The following ACYP2 variants were observed in gnomAD, a reference collection of about 807,000 sequenced individuals.
ACYP2 encodes acylphosphatase-2.
A neutral mutation model predicts 11.2 loss-of-function variants in ACYP2; 12 were observed. That is an observed-to-expected ratio of 1.08 (90% CI 0.69 to 1.74). The LOEUF (loss-of-function observed/expected upper bound fraction) is 1.74, where lower values mean the gene tolerates loss of function less well. Ranked by LOEUF, ACYP2 falls within the 40% of genes most tolerant of loss-of-function variation. The probability of loss-of-function intolerance (pLI) is 0.00; values close to 1 mark genes in which losing one functional copy is unlikely to be tolerated. For synonymous variants in ACYP2, 43 were observed against 32.2 expected, an observed-to-expected ratio of 1.33 and a Z score of -1.13; for missense variants, 134 against 101.9, an observed-to-expected ratio of 1.31 and a Z score of -1.35.
intron 6 of ACYP2, among the ~76,000 whole-genome samples, chr2:54,288,761 T>C (rs1458301618): frequency 6.6e-6 from 1 of 151,988 alleles, no homozygotes; most frequent in East Asian, 1.9e-4. Context: ...TGCTAACTAG[T>C]TTTTTTCTTT....
At chr2:54,144,737 T>G (rs1372394784) in intron 6 of ACYP2, among the ~76,000 whole-genome samples, 1 of 152,102 alleles carries the variant, frequency 6.6e-6, no homozygotes, top group East Asian at 1.9e-4. Flanking sequence ...ATTCCTAATC[T>G]TGTAGAACTT....
At chr2:53,995,069 A>T (rs1237174544) in intron 2 of ACYP2, among the ~76,000 whole-genome samples, 4 of 152,220 alleles carry the variant, frequency 2.6e-5, no homozygotes, top group Non-Finnish European at 5.9e-5. Flanking sequence ...ATTCAAAAGA[A>T]ATTTTAAGAA....
At chr2:54,192,614 A>C (rs1221726922) in intron 6 of ACYP2, among the ~76,000 whole-genome samples, 2 of 152,196 alleles carry the variant, frequency 1.3e-5, no homozygotes, top group African/African-American at 4.8e-5. Context: ...TACCTGTTAT[A>C]TTTAAAAAAA....
chr2:54,186,318 T>C (rs939298664), intron 6 of ACYP2, among the ~76,000 whole-genome samples: 3 of 152,094 alleles, frequency 2.0e-5, no homozygotes, highest in South Asian at 2.1e-4. Flanking sequence ...TATAGAGAAA[T>C]AGCTTCTCTC....
intron 2 of ACYP2, among the ~76,000 whole-genome samples, chr2:54,020,917 C>T (rs1327969316): frequency 6.6e-6 from 1 of 152,168 alleles, no homozygotes; most frequent in African/African-American, 2.4e-5. Context: ...AATAAATTTT[C>T]AGTGCCACAA....
Position 54,291,269 on chromosome 2 carries a change from C to G in ACYP2, c.405-13419C>G, listed in dbSNP as rs114854453. Among the ~76,000 whole-genome samples, 575 of 152,310 alleles carry G rather than the reference C, an allele frequency of 3.8e-3. 5 individuals are homozygous for G. The highest frequency in any genetic ancestry group is 0.013 in the African/African-American group (547 of 41,576). On this transcript the variant is annotated intron_variant, in intron 6 of 6. Transcript: ENST00000607452. ...TCTCTGGTCATGCCTTCTACATGTC[C>G]TCTGTTGCCTTCTTCTGCACCTGAC...
rs368509559 is a variant in ACYP2 at position 54,092,475 on chromosome 2, G to A, written c.277+35115G>A. Among the ~76,000 whole-genome samples, 364 of 152,298 alleles carry A rather than the reference G, an allele frequency of 2.4e-3. 2 individuals are homozygous for A. The highest frequency in any genetic ancestry group is 4.1e-3 in the Non-Finnish European group (280 of 68,036). On this transcript the variant is annotated intron_variant, in intron 4 of 6. Transcript: ENST00000607452. Reference sequence around the variant, plus strand: ...ATCCTATAATCAGCCTTGGAACAGGGTTGGGTGACAAAGGGCTAAGATTTA... The same window carrying A: ...ATCCTATAATCAGCCTTGGAACAGGATTGGGTGACAAAGGGCTAAGATTTA...
chr2:54,222,890 G>C (rs1685858462), intron 6 of ACYP2: 1 of 111,296 alleles, frequency 9.0e-6, no homozygotes, highest in Non-Finnish European at 2.0e-5. Context: ...GTTTTGGTGA[G>C]GACCTCCATG....
intron 6 of ACYP2, among the ~76,000 whole-genome samples, chr2:54,196,037 A>T (rs1296098643): frequency 6.6e-6 from 1 of 151,928 alleles, no homozygotes; most frequent in African/African-American, 2.4e-5. Context: ...ACCTCAGATG[A>T]TCTACCCACC....
chr2:54,252,939 A>G (rs1042032588), intron 6 of ACYP2, among the ~76,000 whole-genome samples: 5 of 152,236 alleles, frequency 3.3e-5, no homozygotes, highest in South Asian at 2.1e-4. Flanking sequence ...TATAATTCCA[A>G]TTTCACAAAA....
chr2:54,119,745 A>G (rs547930599), intron 4 of ACYP2, among the ~76,000 whole-genome samples: 16 of 152,380 alleles, frequency 1.1e-4, no homozygotes, highest in African/African-American at 1.9e-4. Flanking sequence ...CAATATGGAT[A>G]CATTATTATG....
chr2:53,980,133 AG>A (rs1442162075), intron 2 of ACYP2, among the ~76,000 whole-genome samples: 5 of 152,158 alleles, frequency 3.3e-5, no homozygotes, highest in African/African-American at 1.2e-4. Context: ...ACTTGAGCCC[AG>A]GAATTCAAGA....
chr2:54,196,763 C>T (rs927727050), intron 6 of ACYP2, among the ~76,000 whole-genome samples: 2 of 152,204 alleles, frequency 1.3e-5, no homozygotes, highest in Admixed American at 6.5e-5. Context: ...GTCACATCCC[C>T]AGTGGGGATG....
intron 6 of ACYP2, among the ~76,000 whole-genome samples, chr2:54,229,323 C>A (rs891999705): frequency 1.3e-5 from 2 of 152,102 alleles, no homozygotes; most frequent in Non-Finnish European, 2.9e-5. Context: ...ATGGCCCAAT[C>A]TATGTTGTTA....
chr2:54,304,576 C>T (rs938274261), intron 6 of ACYP2, 112 bp from the exon 4 acceptor site: 41 of 635,384 alleles, frequency 6.5e-5, no homozygotes, highest in Non-Finnish European at 1.0e-4. Flanking sequence ...CACATATATG[C>T]AAAAATTACT....
intron 4 of ACYP2, among the ~76,000 whole-genome samples, chr2:54,103,960 G>A (rs1443203437): frequency 6.6e-6 from 1 of 152,208 alleles, no homozygotes; most frequent in African/African-American, 2.4e-5. Flanking sequence ...ACAGATGCCA[G>A]TCAGATCCTG....
chr2:54,039,313 G>C (rs72800717), intron 2 of ACYP2, among the ~76,000 whole-genome samples: 29 of 149,938 alleles, frequency 1.9e-4, no homozygotes, highest in Non-Finnish European at 2.8e-4. Context: ...GGCGGGGGGG[G>C]ACAGGGTCCC....
intron 6 of ACYP2, among the ~76,000 whole-genome samples, chr2:54,229,634 ATT>A (rs975994855): frequency 1.3e-5 from 2 of 152,078 alleles, no homozygotes; most frequent in Admixed American, 6.5e-5. Flanking sequence ...AAACAAAAAC[ATT>A]TTATTTTGTT....
chr2:54,131,847 T>C (rs1312102107), intron 4 of ACYP2, among the ~76,000 whole-genome samples: 1 of 152,196 alleles, frequency 6.6e-6, no homozygotes, highest in Non-Finnish European at 1.5e-5. Context: ...CTGGAAAGCA[T>C]GTGAAAACAG....
Sources: gnomAD v4.1 joint callset for allele counts (sites outside exome capture counted in the v4.1 genomes callset) on GRCh38, gnomAD v4.1.1 for gene constraint, MANE v1.5 for transcripts, NCBI Gene and HGNC (gene_info 2026-07-23, HGNC 2026-07-21) for gene names.